The following MACROD2 variants were observed in gnomAD, a reference collection of about 807,000 sequenced individuals.
MACROD2 encodes ADP-ribose glycohydrolase MACROD2.
In MACROD2, 36 loss-of-function variants were observed where a neutral mutation model predicts 70.4. The observed-to-expected ratio is 0.51, with a 90% CI of 0.39 to 0.68. The LOEUF (loss-of-function observed/expected upper bound fraction) is 0.68. Ranked by LOEUF, MACROD2 falls within the 30% of genes least tolerant of loss-of-function variation. The pLI is 0.00. For missense variants in MACROD2, 496 were observed against 538.4 expected, an observed-to-expected ratio of 0.92 and a Z score of 0.78; for synonymous variants, 172 against 178.8, an observed-to-expected ratio of 0.96 and a Z score of 0.30.
intron 9 of MACROD2, among the ~76,000 whole-genome samples, chr20:15,868,001 C>T (rs904782242): frequency 6.6e-6 from 1 of 152,138 alleles, no homozygotes; most frequent in Admixed American, 6.5e-5. Flanking sequence ...GCCAGGGGTG[C>T]TGCTAAGCAT....
intron 7 of MACROD2, among the ~76,000 whole-genome samples, chr20:15,479,390 A>C (rs1020587869): frequency 1.4e-5 from 2 of 145,632 alleles, no homozygotes; most frequent in Admixed American, 7.0e-5. Context: ...CTCCTGCCTC[A>C]GCCTCCCAAG....
Position 14,326,122 on chromosome 20 carries a change from C to T in MACROD2, c.272-167357C>T. The stretch of plus-strand genomic sequence containing the variant: ...CTCCAGGGCTGTGACCAAGTACTCA[C>T]TGCGTTCCCCTGTTACAATTGTTTC... On this transcript the variant is annotated intron_variant, in intron 3 of 17. Transcript: ENST00000684519. The surrounding 1 kb of genome is among the most constrained non-coding windows in gnomAD (Gnocchi z 5.5). 2 of 1,613,886 alleles carry T rather than the reference C, an allele frequency of 1.2e-6. No individual in the cohort carries two copies. Among genetic ancestry groups the T allele is most frequent in the Non-Finnish European group, 8.5e-7 (1 of 1,179,886 alleles).
intron 10 of MACROD2, among the ~76,000 whole-genome samples, chr20:15,890,903 T>C (rs1051202551): frequency 6.6e-6 from 1 of 152,150 alleles, no homozygotes; most frequent in East Asian, 1.9e-4. Flanking sequence ...GCTGGGGAAG[T>C]GAAAATAAAA....
At chr20:15,134,581 A>C (rs1383543835) in intron 5 of MACROD2, among the ~76,000 whole-genome samples, 1 of 152,082 alleles carries the variant, frequency 6.6e-6, no homozygotes, top group Non-Finnish European at 1.5e-5. Context: ...TGTAGAGGGA[A>C]ATTTATAGCA....
chr20:15,679,596 T>C (rs1197531275), intron 8 of MACROD2, among the ~76,000 whole-genome samples: 1 of 152,234 alleles, frequency 6.6e-6, no homozygotes, highest in Non-Finnish European at 1.5e-5. Context: ...TAGCAGCTTC[T>C]GATTTAGCAC....
chr20:15,997,268 C>T lies in MACROD2; in HGVS notation c.1153+10110C>T, dbSNP rs187320908. Among the ~76,000 whole-genome samples, 32 of 152,054 alleles carry T rather than the reference C, an allele frequency of 2.1e-4. No individual in the cohort carries two copies. The East Asian group carries it at 5.4e-3, about 26-fold the overall frequency. On this transcript the variant is annotated intron_variant, in intron 15 of 17. Coordinates refer to ENST00000684519, the MANE Select transcript of MACROD2 (RefSeq NM_001351661.2). ...GCCCTTGAAATTGTGATAGGGATTACGTTGAATGTATAGATCGATTTAGGT... is the reference window on the plus strand; with the variant it reads ...GCCCTTGAAATTGTGATAGGGATTATGTTGAATGTATAGATCGATTTAGGT...
At chr20:14,904,498 A>C (rs2073935275) in intron 5 of MACROD2, among the ~76,000 whole-genome samples, 2 of 152,290 alleles carry the variant, frequency 1.3e-5, no homozygotes, top group African/African-American at 4.8e-5. Flanking sequence ...ATATATGTAC[A>C]TTAGTGTGTA....
intron 4 of MACROD2, among the ~76,000 whole-genome samples, chr20:14,645,339 T>A (rs774277749): frequency 1.1e-4 from 17 of 152,010 alleles, no homozygotes; most frequent in Non-Finnish European, 2.1e-4. Context: ...GCCTTTTCAT[T>A]TTCTGGTGCT....
chr20:15,405,699 C>T (rs186895915), intron 6 of MACROD2, among the ~76,000 whole-genome samples: 13 of 152,306 alleles, frequency 8.5e-5, no homozygotes, highest in East Asian at 1.9e-4. Flanking sequence ...TTTTAGCTCA[C>T]GTGCCATTGC....
chr20:14,443,299 C>CTTTT (rs34612697), intron 3 of MACROD2, among the ~76,000 whole-genome samples: 1 of 136,122 alleles, frequency 7.3e-6, no homozygotes. Flanking sequence ...ATTACCTATG[C>CTTTT]TTTTTTTTTT....
intron 3 of MACROD2, among the ~76,000 whole-genome samples, chr20:14,189,175 T>G (rs1317234045): frequency 6.6e-6 from 1 of 152,180 alleles, no homozygotes; most frequent in Non-Finnish European, 1.5e-5. Context: ...CAAGATTGCT[T>G]ATGGTTATTT....
intron 8 of MACROD2, among the ~76,000 whole-genome samples, chr20:15,840,043 A>G (rs969635023): frequency 3.3e-5 from 5 of 152,158 alleles, no homozygotes; most frequent in Non-Finnish European, 5.9e-5. Context: ...AAACTGATAA[A>G]TGAATATTAC....
chr20:14,141,242 G>T (rs192840013), intron 3 of MACROD2, among the ~76,000 whole-genome samples: 1 of 152,218 alleles, frequency 6.6e-6, no homozygotes, highest in Admixed American at 6.5e-5. Context: ...CTTTATCTAA[G>T]ACACTTCAGT....
intron 3 of MACROD2, among the ~76,000 whole-genome samples, chr20:14,483,913 T>C (rs536314037): frequency 1.9e-4 from 29 of 152,210 alleles, no homozygotes; most frequent in Non-Finnish European, 3.5e-4. Flanking sequence ...TGAGATAGTT[T>C]TACTATTTTT....
At chr20:15,958,636 T>C (rs974059711) in intron 12 of MACROD2, among the ~76,000 whole-genome samples, 2 of 152,196 alleles carry the variant, frequency 1.3e-5, no homozygotes, top group African/African-American at 2.4e-5. Context: ...CAAGTATCCA[T>C]GTGCACAAAT....
chr20:15,324,919 A>G (rs2077911652), intron 6 of MACROD2, among the ~76,000 whole-genome samples: 1 of 152,184 alleles, frequency 6.6e-6, no homozygotes, highest in Non-Finnish European at 1.5e-5. Context: ...CCTTTCTTGC[A>G]AAGAGTATTA....
chr20:14,334,147 T>C (rs1329905991), intron 3 of MACROD2, among the ~76,000 whole-genome samples: 4 of 152,236 alleles, frequency 2.6e-5, no homozygotes, highest in African/African-American at 9.6e-5. Context: ...TTCTATTGCT[T>C]TCTACTTAAA....
intron 8 of MACROD2, among the ~76,000 whole-genome samples, chr20:15,538,945 A>G (rs2047915922): frequency 6.6e-6 from 1 of 152,106 alleles, no homozygotes; most frequent in African/African-American, 2.4e-5. Flanking sequence ...GCATGCAATT[A>G]TAACTGTATG....
At chr20:14,656,201 A>G (rs1242234273) in intron 4 of MACROD2, among the ~76,000 whole-genome samples, 1 of 152,210 alleles carries the variant, frequency 6.6e-6, no homozygotes, top group Admixed American at 6.5e-5. Context: ...TAGTAGAATC[A>G]TGAAGGTCAT....
Sources: allele counts gnomAD v4.1 joint callset (sites outside exome capture counted in the v4.1 genomes callset), GRCh38; gene constraint gnomAD v4.1.1; non-coding constraint Gnocchi (gnomAD v3.1); transcripts MANE v1.5; gene names NCBI Gene and HGNC (gene_info 2026-07-23, HGNC 2026-07-21).